Variants in CDK14 observed in about 807,000 individuals in gnomAD.
The protein encoded by CDK14 is cyclin-dependent kinase 14.
Under a neutral mutation model 60.7 loss-of-function variants are expected in CDK14, and 34 were observed. That is an observed-to-expected ratio of 0.56 (90% CI 0.43 to 0.75). The LOEUF (loss-of-function observed/expected upper bound fraction) is 0.75, where lower values mean the gene tolerates loss of function less well. CDK14 is among the 30% of genes least tolerant of loss of function. The pLI is 0.00. For synonymous variants in CDK14, 197 were observed against 203.7 expected (o/e 0.97, Z 0.28); for missense variants, 482 against 564.1 (o/e 0.85, Z 1.47).
chr7:90,951,704 A>T (rs1794268824), intron 8 of CDK14, among the ~76,000 whole-genome samples: 1 of 152,252 alleles, frequency 6.6e-6, no homozygotes, highest in Admixed American at 6.5e-5. Flanking sequence ...ATCTGTGTAC[A>T]GCTAAAAGAA....
intron 8 of CDK14, among the ~76,000 whole-genome samples, chr7:90,948,007 C>T (rs961327855): frequency 6.6e-6 from 1 of 152,062 alleles, no homozygotes; most frequent in Non-Finnish European, 1.5e-5. Context: ...TAGATACATA[C>T]TTGTATAATG....
chr7:90,762,354 G>A lies in CDK14; in HGVS notation c.464+14579G>A, dbSNP rs1804351287. On this transcript the variant is annotated intron_variant, in intron 4 of 14. Transcript: ENST00000380050. ...CACATCTGAGTCCCTCCAGGGTTTG[G>A]CACCCTCCCTCAAGTTGTAAGTAGG... Among the ~76,000 whole-genome samples, 4 of 152,190 alleles carry A rather than the reference G, an allele frequency of 2.6e-5. No individual in the cohort carries two copies. The South Asian group carries it at 8.3e-4, about 32-fold the overall frequency.
At chr7:91,132,806 A>G (rs1800158186) in intron 14 of CDK14, among the ~76,000 whole-genome samples, 1 of 152,122 alleles carries the variant, frequency 6.6e-6, no homozygotes, top group Admixed American at 6.6e-5. Context: ...TGGGAGGGCA[A>G]ATGAGGGAAA....
chr7:90,777,338 C>T, intron 4 of CDK14, among the ~76,000 whole-genome samples: 1 of 152,126 alleles, frequency 6.6e-6, no homozygotes, highest in East Asian at 1.9e-4. Context: ...ACTATGAGGA[C>T]ACTCAAAATA....
chr7:90,632,300 A>C, intron 2 of CDK14: 3 of 283,774 alleles, frequency 1.1e-5, no homozygotes, highest in Non-Finnish European at 1.5e-5. Flanking sequence ...CCTCAAGATA[A>C]CAAAACTGTC....
intron 5 of CDK14, among the ~76,000 whole-genome samples, chr7:90,817,233 G>A (rs1789387283): frequency 6.6e-6 from 1 of 152,166 alleles, no homozygotes; most frequent in Admixed American, 6.5e-5. Context: ...TAGAAGTAGA[G>A]AATTAAGGGA....
chr7:91,064,722 G>A (rs1348525170), intron 11 of CDK14, among the ~76,000 whole-genome samples: 1 of 152,154 alleles, frequency 6.6e-6, no homozygotes, highest in Admixed American at 6.5e-5. Context: ...GTCCCATCTA[G>A]CACTCAGATC....
chr7:90,748,579 A>T (rs1245654658), intron 4 of CDK14, among the ~76,000 whole-genome samples: 1 of 152,222 alleles, frequency 6.6e-6, no homozygotes. Flanking sequence ...AAATCTTTAT[A>T]GAAGATAGGA....
intron 6 of CDK14, 149 bp downstream of exon 6, chr7:90,863,418 G>A (rs548448702): frequency 1.8e-5 from 9 of 492,550 alleles, no homozygotes; most frequent in African/African-American, 9.9e-5. Context: ...TAAAATAAAG[G>A]CCCTATAAGA....
At chr7:90,988,066 CTG>C (rs1177378527) in intron 10 of CDK14, among the ~76,000 whole-genome samples, 6 of 152,256 alleles carry the variant, frequency 3.9e-5, no homozygotes, top group Non-Finnish European at 8.8e-5. Flanking sequence ...CTCCCACACA[CTG>C]AGTCTTTATA....
At chr7:90,968,739 A>G (rs949822305) in intron 9 of CDK14, among the ~76,000 whole-genome samples, 3 of 152,066 alleles carry the variant, frequency 2.0e-5, no homozygotes, top group African/African-American at 7.2e-5. Flanking sequence ...TCTATTTGTG[A>G]CCATTTTATA....
intron 5 of CDK14, among the ~76,000 whole-genome samples, chr7:90,816,085 TA>T (rs1554345028): frequency 6.7e-6 from 1 of 150,106 alleles, no homozygotes; most frequent in African/African-American, 2.4e-5. Context: ...AAAATTTTTT[TA>T]AAAAAAGGGC....
At chr7:90,991,592 C>T (rs938334047) in intron 10 of CDK14, among the ~76,000 whole-genome samples, 1 of 152,172 alleles carries the variant, frequency 6.6e-6, no homozygotes, top group African/African-American at 2.4e-5. Context: ...AGATTCCCTT[C>T]CTTGCTTGTT....
intron 12 of CDK14, among the ~76,000 whole-genome samples, chr7:91,094,871 C>T (rs1475087017): frequency 6.6e-6 from 1 of 152,218 alleles, no homozygotes; most frequent in East Asian, 1.9e-4. Flanking sequence ...CAACCCACTT[C>T]TTCATAAACA....
intron 2 of CDK14, among the ~76,000 whole-genome samples, chr7:90,619,154 A>G (rs948916312): frequency 2.6e-5 from 4 of 152,178 alleles, no homozygotes; most frequent in African/African-American, 9.7e-5. Flanking sequence ...TCCCAGTTGT[A>G]ACATCTGTTT....
chr7:90,926,358 T>A (rs1425512209), intron 8 of CDK14, among the ~76,000 whole-genome samples: 1 of 152,168 alleles, frequency 6.6e-6, no homozygotes, highest in South Asian at 2.1e-4. Flanking sequence ...CTTCTCACAG[T>A]AGACTAGTAG....
At chr7:91,009,544 A>G (rs551773773) in intron 10 of CDK14, among the ~76,000 whole-genome samples, 1 of 152,282 alleles carries the variant, frequency 6.6e-6, no homozygotes, top group South Asian at 2.1e-4. Context: ...TTTAATAGGT[A>G]TGAACTAATA....
intron 14 of CDK14, among the ~76,000 whole-genome samples, chr7:91,130,357 T>C (rs908820334): frequency 6.6e-6 from 1 of 152,164 alleles, no homozygotes; most frequent in African/African-American, 2.4e-5. Context: ...CTCACATAAA[T>C]ATTTTTAATT....
rs140015419 is a variant in CDK14 at position 90,717,938 on chromosome 7, C to G, written c.124-8629C>G. 1.3e-3 allele frequency among the ~76,000 whole-genome samples: 193 copies of G among 152,030 alleles called. 1 individual carries two copies. The highest frequency in any genetic ancestry group is 7.4e-3 in the East Asian group (38 of 5,162). ...TGCTCAGCAAAGACGGAGCTCCCCC[C>G]ACCCCACCAAAATAAACCAAACACT... On this transcript the variant is annotated intron_variant, in intron 2 of 14. Transcript: ENST00000380050.
Sources: gnomAD v4.1 joint callset for allele counts (sites outside exome capture counted in the v4.1 genomes callset) on GRCh38, gnomAD v4.1.1 for gene constraint, MANE v1.5 for transcripts, NCBI Gene and HGNC (gene_info 2026-07-23, HGNC 2026-07-21) for gene names.